The following SLC45A2 variants were observed in gnomAD, a reference collection of about 807,000 sequenced individuals.
SLC45A2 encodes membrane-associated transporter protein.
SLC45A2 carries 36 observed loss-of-function variants against 45.5 expected under a neutral mutation model. The observed-to-expected ratio is 0.79, with a 90% confidence interval of 0.61 to 1.04. SLC45A2 has a LOEUF of 1.04. Ranked by LOEUF, SLC45A2 falls within the 50% of genes least tolerant of loss-of-function variation. The pLI is 0.00. For missense variants in SLC45A2, 719 were observed against 671.0 expected, an observed-to-expected ratio of 1.07 and a Z score of -0.79; for synonymous variants, 306 against 269.3, an observed-to-expected ratio of 1.14 and a Z score of -1.33.
At chr5:33,964,052 C>A (rs1752530068) in intron 2 of SLC45A2, 36 bp from the exon 3 acceptor site, 1 of 1,603,490 alleles carries the variant, frequency 6.2e-7, no homozygotes, top group Non-Finnish European at 8.5e-7. Context: ...GCATATTTAG[C>A]AAATTATCGT....
At chr5:33,971,252 T>C in intron 2 of SLC45A2, 1 of 530,984 alleles carries the variant, frequency 1.9e-6, no homozygotes. Flanking sequence ...GGGATGTTTC[T>C]TATTCTGAGA....
intron 5 of SLC45A2, among the ~76,000 whole-genome samples, chr5:33,949,302 G>T (rs1280930706): frequency 2.0e-5 from 3 of 152,180 alleles, no homozygotes; most frequent in African/African-American, 7.2e-5. Flanking sequence ...GGAAAGGAAA[G>T]GATTGATTCT....
Position 33,982,237 on chromosome 5 carries a change from T to C in SLC45A2, c.561A>G (p.Thr187=), listed in dbSNP as rs201206701. 6.2e-6 allele frequency: 10 copies of C among 1,613,970 alleles called. No individual in the cohort carries two copies. The highest frequency in any genetic ancestry group is 8.5e-6 in the Non-Finnish European group (10 of 1,179,884). Residue 187 remains threonine (T), a splice_region_variant and synonymous_variant, in exon 2 of 7, where the codon ACA becomes ACG. Transcript: ENST00000296589. ...GAGACTTTCTGGAATATTCCCTACCTGTGAAGAGGGCATGGTAGTGGAGGC... is the reference window on the plus strand; with the variant it reads ...GAGACTTTCTGGAATATTCCCTACCCGTGAAGAGGGCATGGTAGTGGAGGC... ...EKGLHYHALF[T]GFGGALGYLL...
rs750335797 is a variant in SLC45A2 at position 33,951,661 on chromosome 5, T to A, written c.1049A>T (p.Asp350Val). 6 of 1,614,004 alleles carry A rather than the reference T, an allele frequency of 3.7e-6. No homozygotes were observed. The South Asian group carries it at 6.6e-5, about 18-fold the overall frequency. ...TGTGGAGTTGTGTGCACTATAGGGA[T>A]CCCCGCGGTACACAATCTGAAAGAG... ...DFMGQIVYRG[D>V]PYSAHNSTEF... The change falls in exon 5 of 7, where the codon GAT becomes GTT. Residue 350 changes from aspartate (D) to valine (V), a missense_variant. Physicochemically the swap from Asp to Val is radical, Grantham distance 152. Transcript: ENST00000296589.
In SLC45A2 at chr5:33,982,244, AG is replaced by A; in HGVS notation, c.553del (p.Leu185SerfsTer16). On this transcript the variant is annotated frameshift_variant, in exon 2 of 7. Coordinates refer to ENST00000296589, the MANE Select transcript of SLC45A2 (RefSeq NM_016180.5). LOFTEE classifies it high-confidence loss of function. The stretch of plus-strand genomic sequence containing the variant: ...TCTGGAATATTCCCTACCTGTGAAG[AG>A]GGCATGGTAGTGGAGGCCCTTCTCC... Reference protein sequence around the residue: ...DKEKGLHYHALFTGFGGALGY... With the variant: ...DKEKGLHYHAXFTGFGGALGY... The A allele has an allele frequency of 6.2e-7, 1 of 1,614,050 alleles. No individual in the cohort carries two copies. Among genetic ancestry groups the A allele is most frequent in the Middle Eastern group, 1.7e-4 (1 of 6,054 alleles).
chr5:33,966,296 C>T (rs956217822), intron 2 of SLC45A2, among the ~76,000 whole-genome samples: 3 of 151,980 alleles, frequency 2.0e-5, no homozygotes, highest in Non-Finnish European at 4.4e-5. Context: ...AAACATGTAT[C>T]GAACACTAAA....
intron 6 of SLC45A2, chr5:33,946,030 C>T (rs984102204): frequency 1.7e-5 from 17 of 985,300 alleles, no homozygotes; most frequent in Middle Eastern, 5.2e-4. Flanking sequence ...TAAAAATGAA[C>T]TCATTCTAAG....
intron 2 of SLC45A2, among the ~76,000 whole-genome samples, chr5:33,965,041 G>T (rs59002877): frequency 6.6e-6 from 1 of 152,092 alleles, no homozygotes; most frequent in Non-Finnish European, 1.5e-5. Context: ...AACTTATGTA[G>T]GACTGATCCT....
intron 3 of SLC45A2, among the ~76,000 whole-genome samples, chr5:33,960,391 A>G (rs1579544838): frequency 6.6e-6 from 1 of 152,040 alleles, no homozygotes; most frequent in Non-Finnish European, 1.5e-5. Context: ...ACGTGTGTGC[A>G]GGTATCTTTT....
intron 3 of SLC45A2, among the ~76,000 whole-genome samples, chr5:33,963,459 A>G (rs1465468195): frequency 1.1e-4 from 2 of 18,000 alleles, no homozygotes; most frequent in African/African-American, 2.4e-4. Flanking sequence ...CCCTGGTTGG[A>G]TGCTACCTGA....
chr5:33,963,817 G>T lies in SLC45A2; in HGVS notation c.762C>A (p.Thr254=). 6.2e-7 allele frequency: 1 copy of T among 1,614,100 alleles called. No individual in the cohort carries two copies. The highest frequency in any genetic ancestry group is 8.5e-7 in the Non-Finnish European group (1 of 1,180,030). ...EVAKGIPPQQ[T]PQDPPLSSDG... is the part of the protein sequence containing the mutation. ...CTGATGACAATGGAGGGTCCTGAGG[G>T]GTTTGCTGTGGGGGAATGCCCTTTG... is the stretch of plus-strand genomic sequence containing the variant. Residue 254 remains threonine, a synonymous_variant, in exon 3 of 7, where the codon ACC becomes ACA. Coordinates refer to ENST00000296589, the MANE Select transcript of SLC45A2 (RefSeq NM_016180.5).
intron 3 of SLC45A2, among the ~76,000 whole-genome samples, chr5:33,956,036 CA>C (rs36078403): frequency 0.7 from 106,952 of 152,014 alleles, 45,092 homozygotes; most frequent in Non-Finnish European, 0.97. Context: ...ATGAAGTCCT[CA>C]GGGGCAGACC....
intron 2 of SLC45A2, among the ~76,000 whole-genome samples, chr5:33,980,689 C>T (rs999069036): frequency 2.0e-5 from 3 of 151,678 alleles, no homozygotes; most frequent in African/African-American, 7.3e-5. Context: ...ATGGGAGAGA[C>T]AACCAGAAAG....
chr5:33,981,525 A>G (rs988989381), intron 2 of SLC45A2, among the ~76,000 whole-genome samples: 1 of 152,198 alleles, frequency 6.6e-6, no homozygotes, highest in African/African-American at 2.4e-5. Flanking sequence ...CTGTCGCCTT[A>G]TATTTCAATG....
intron 2 of SLC45A2, among the ~76,000 whole-genome samples, chr5:33,973,141 A>G (rs962148419): frequency 1.3e-5 from 2 of 152,190 alleles, no homozygotes; most frequent in Non-Finnish European, 2.9e-5. Context: ...CCAACTGCCA[A>G]TTGGTACCTG....
intron 4 of SLC45A2, 58 bp downstream of exon 4, chr5:33,954,303 G>A (rs116828782): frequency 6.2e-7 from 1 of 1,609,712 alleles, no homozygotes; most frequent in Non-Finnish European, 8.5e-7. Flanking sequence ...AACCTCAACA[G>A]GTGTTAATGG....
At chr5:33,959,665 C>T (rs184534947) in intron 3 of SLC45A2, among the ~76,000 whole-genome samples, 6 of 152,290 alleles carry the variant, frequency 3.9e-5, no homozygotes, top group African/African-American at 1.4e-4. Flanking sequence ...CTGTATTCTC[C>T]TATCAAGTGG....
intron 2 of SLC45A2, among the ~76,000 whole-genome samples, chr5:33,968,095 C>T (rs1197206967): frequency 6.6e-6 from 1 of 152,100 alleles, no homozygotes; most frequent in African/African-American, 2.4e-5. Context: ...GGGAATTATC[C>T]TAACAGAATA....
chr5:33,954,772 G>T (rs948333393), intron 3 of SLC45A2, among the ~76,000 whole-genome samples: 1 of 152,152 alleles, frequency 6.6e-6, no homozygotes, highest in Non-Finnish European at 1.5e-5. Flanking sequence ...TTCAGGCCAA[G>T]GTGTAGGAGA....
Sources: gnomAD v4.1 joint callset for allele counts (sites outside exome capture counted in the v4.1 genomes callset) on GRCh38, gnomAD v4.1.1 for gene constraint, MANE v1.5 for transcripts, NCBI Gene and HGNC (gene_info 2026-07-23, HGNC 2026-07-21) for gene names.